Variants in CCDC141 observed in about 807,000 individuals in gnomAD.
The protein encoded by CCDC141 is coiled-coil domain-containing protein 141.
CCDC141 carries 168 observed loss-of-function variants against 181.0 expected under a neutral mutation model. That is an observed-to-expected ratio of 0.93 (90% CI 0.82 to 1.05). CCDC141 has a LOEUF of 1.05. Among genes scored for constraint, CCDC141 ranks in the 50% least tolerant of loss-of-function variants. CCDC141 has a pLI of 0.00. For synonymous variants in CCDC141, 666 were observed against 642.3 expected, an observed-to-expected ratio of 1.04 and a Z score of -0.56; for missense variants, 1,902 against 1,788.5, an observed-to-expected ratio of 1.06 and a Z score of -1.14.
chr2:178,947,164 A>G (rs577305818), intron 5 of CCDC141, among the ~76,000 whole-genome samples: 1 of 152,210 alleles, frequency 6.6e-6, no homozygotes, highest in East Asian at 1.9e-4. Flanking sequence ...ATATTCTGCC[A>G]CCCAGTAAAT....
chr2:178,962,162 C>A (rs1020218247), intron 4 of CCDC141, among the ~76,000 whole-genome samples: 3 of 152,148 alleles, frequency 2.0e-5, no homozygotes, highest in African/African-American at 7.2e-5. Context: ...AGTATGTGAT[C>A]TCTGGAGTAA....
chr2:178,887,876 A>G (rs761003378), intron 9 of CCDC141, among the ~76,000 whole-genome samples: 1 of 152,234 alleles, frequency 6.6e-6, no homozygotes, highest in Non-Finnish European at 1.5e-5. Flanking sequence ...CTGAGATATT[A>G]CTAGTTTTTA....
intron 6 of CCDC141, among the ~76,000 whole-genome samples, chr2:178,928,525 C>T (rs755126163): frequency 5.3e-5 from 8 of 151,890 alleles, no homozygotes; most frequent in South Asian, 2.1e-4. Flanking sequence ...CCATGCTTTC[C>T]GGGACATTTT....
the CCDC141 span, among the ~76,000 whole-genome samples, chr2:178,820,368 G>A: frequency 1.3e-5 from 2 of 152,230 alleles, no homozygotes; most frequent in East Asian, 3.9e-4. Flanking sequence ...ATTCTGATAA[G>A]TTCACGCTCA....
intron 14 of CCDC141, among the ~76,000 whole-genome samples, chr2:178,869,646 T>A (rs1464098134): frequency 1.3e-5 from 2 of 152,218 alleles, no homozygotes; most frequent in Non-Finnish European, 2.9e-5. Context: ...GCCCCATGAT[T>A]ATCTCTGATA....
In CCDC141 at chr2:178,861,144, C is replaced by T. The variant is rs1479859755; in HGVS notation, c.2724+4623G>A. On this transcript the variant is annotated intron_variant, in intron 17 of 23. Transcript: ENST00000443758. ...CATGGGTTTTAATGCTATCTAGACT[C>T]GAAGTTTCCTGAGGATGTTTGTGCT... 4.7e-5 allele frequency among the ~76,000 whole-genome samples: 7 copies of T among 150,188 alleles called. No homozygotes were observed. The South Asian group carries it at 8.4e-4, about 18-fold the overall frequency.
intron 6 of CCDC141, among the ~76,000 whole-genome samples, chr2:178,930,130 G>A (rs572992097): frequency 3.3e-5 from 5 of 151,582 alleles, no homozygotes; most frequent in African/African-American, 7.3e-5. Context: ...TAAAATCAAC[G>A]TTAAAAAAAA....
chr2:178,916,052 C>A (rs28547002), intron 7 of CCDC141, among the ~76,000 whole-genome samples: 7,204 of 152,118 alleles, frequency 0.047, 450 homozygotes, highest in South Asian at 0.2. Context: ...ATCCATGAAA[C>A]TGTGATAAGT....
In CCDC141 at chr2:179,049,889, G is replaced by A. The variant is rs1451439434; in HGVS notation, c.53C>T (p.Ser18Leu). 3 of 1,550,678 alleles carry A rather than the reference G, an allele frequency of 1.9e-6. No homozygotes were observed. Among genetic ancestry groups the A allele is most frequent in the East Asian group, 2.4e-5 (1 of 40,934 alleles). The change falls in exon 1 of 24, where the codon TCA becomes TTA. Residue 18 changes from serine to leucine, a missense_variant. Ser to Leu is a moderately radical substitution (Grantham distance 145, BLOSUM62 -2). Transcript: ENST00000443758. ...SVALSTTTVS[S>L]VAVQAGDSKI... ...GGAGTCCCCAGCCTGCACAGCAACT[G>A]AACTGACTGTCGTCGTAGAAAGCGC...
intron 5 of CCDC141, among the ~76,000 whole-genome samples, chr2:178,953,424 G>A (rs1412229416): frequency 1.3e-4 from 19 of 146,366 alleles, no homozygotes; most frequent in Admixed American, 6.2e-4. Context: ...GCAACAGAGC[G>A]AGACTCCCTC....
At chr2:178,895,550 T>C (rs1255273492) in intron 8 of CCDC141, among the ~76,000 whole-genome samples, 1 of 152,184 alleles carries the variant, frequency 6.6e-6, no homozygotes, top group Non-Finnish European at 1.5e-5. Flanking sequence ...AGTGTGAGCT[T>C]TTGGTACTTT....
Position 178,839,273 on chromosome 2 carries a change from C to T in CCDC141, c.3475-1529G>A, listed in dbSNP as rs187050803. Among the ~76,000 whole-genome samples, 15 of 151,926 alleles carry T rather than the reference C, an allele frequency of 9.9e-5. No individual in the cohort carries two copies. The East Asian group carries it at 1.2e-3, about 12-fold the overall frequency. On this transcript the variant is annotated intron_variant, in intron 22 of 23. Transcript: ENST00000443758. Reference sequence around the variant, plus strand: ...CTAAAAATGCAAAAAATTAGCCAGGCGTGGTGGTGCGCACCTGCAGTCCCA... The same window carrying T: ...CTAAAAATGCAAAAAATTAGCCAGGTGTGGTGGTGCGCACCTGCAGTCCCA...
intron 5 of CCDC141, among the ~76,000 whole-genome samples, chr2:178,949,840 A>G (rs1689878611): frequency 6.6e-6 from 1 of 152,216 alleles, no homozygotes; most frequent in Admixed American, 6.5e-5. Context: ...CAAGCGGTAG[A>G]AAATGCTCTC....
intron 7 of CCDC141, among the ~76,000 whole-genome samples, chr2:178,915,983 G>T (rs1445652630): frequency 6.6e-6 from 1 of 152,146 alleles, no homozygotes; most frequent in Non-Finnish European, 1.5e-5. Flanking sequence ...TGACACTCTG[G>T]CTGCTGCTTT....
At position 178,832,476 on chromosome 2, in the gene CCDC141, A is replaced by AC. The variant is rs1228266330; in HGVS notation, c.*1696_*1697insG. 7.5e-6 allele frequency: 1 copy of AC among 134,116 alleles called. No individual in the cohort carries two copies. The highest frequency in any genetic ancestry group is 1.6e-5 in the Non-Finnish European group (1 of 63,632). The allele number at this position is 134,116 out of a possible 1,614,324, so 8.3% of individuals were successfully genotyped here. ...GCAAGACTCTTTCTCAAAAAAAAAA[A>AC]AAAAAAACAAAAAAAACAAAAAAAA... On this transcript the variant is annotated 3_prime_UTR_variant, in exon 24 of 24. Transcript: ENST00000443758.
chr2:178,819,618 T>C, the CCDC141 span, among the ~76,000 whole-genome samples: 4 of 152,254 alleles, frequency 2.6e-5, no homozygotes, highest in African/African-American at 9.6e-5. Context: ...CAGGGGATAT[T>C]TGACAATATT....
At chr2:178,979,332 C>G (rs942067942) in intron 2 of CCDC141, among the ~76,000 whole-genome samples, 4 of 151,942 alleles carry the variant, frequency 2.6e-5, no homozygotes, top group Non-Finnish European at 5.9e-5. Flanking sequence ...TTAAAGAGTA[C>G]AGTAGACTAA....
intron 2 of CCDC141, among the ~76,000 whole-genome samples, chr2:179,032,729 T>C (rs1456223660): frequency 6.6e-6 from 1 of 152,074 alleles, no homozygotes. Flanking sequence ...GGGTGGAGGA[T>C]GATCATTTCA....
chr2:178,997,352 T>A (rs1204154250), intron 2 of CCDC141, among the ~76,000 whole-genome samples: 2 of 152,162 alleles, frequency 1.3e-5, no homozygotes, highest in Non-Finnish European at 2.9e-5. Context: ...TGTCCATTGC[T>A]GAGCCTCCAT....
Sources: gnomAD v4.1 joint callset for allele counts (sites outside exome capture counted in the v4.1 genomes callset) on GRCh38, gnomAD v4.1.1 for gene constraint, MANE v1.5 for transcripts, NCBI Gene and HGNC (gene_info 2026-07-23, HGNC 2026-07-21) for gene names.